Variants in APBA2 observed in about 807,000 individuals in gnomAD.
APBA2 encodes amyloid beta precursor protein binding family A member 2.
Under a neutral mutation model 75.0 loss-of-function variants are expected in APBA2, and 30 were observed. That is an observed-to-expected ratio of 0.40 (90% CI 0.30 to 0.54). APBA2 has a LOEUF of 0.54. Ranked by LOEUF, APBA2 falls within the 20% of genes least tolerant of loss-of-function variation. The probability of loss-of-function intolerance (pLI) is 0.49; values close to 1 mark genes in which losing one functional copy is unlikely to be tolerated. For synonymous variants in APBA2, 444 were observed against 409.6 expected (o/e 1.08, Z -1.01); for missense variants, 801 against 1,016.1 (o/e 0.79, Z 2.88).
intron 1 of APBA2, among the ~76,000 whole-genome samples, chr15:28,899,080 C>G (rs2032684695): frequency 6.6e-6 from 1 of 152,252 alleles, no homozygotes; most frequent in Non-Finnish European, 1.5e-5. Context: ...AGAGGGAAAC[C>G]AAAGAGCTTT....
At chr15:29,107,585 G>A (rs570797310) in intron 12 of APBA2, among the ~76,000 whole-genome samples, 2 of 152,196 alleles carry the variant, frequency 1.3e-5, no homozygotes, top group Non-Finnish European at 2.9e-5. Context: ...CTCGGAGCTG[G>A]CCCGGCAGAG....
At chr15:28,992,136 C>T (rs1450898368) in intron 2 of APBA2, among the ~76,000 whole-genome samples, 1 of 152,094 alleles carries the variant, frequency 6.6e-6, no homozygotes, top group African/African-American at 2.4e-5. Context: ...GCTGGTGTCC[C>T]CTGCTTTGGA....
At chr15:29,090,744 G>A (rs910385641) in intron 6 of APBA2, among the ~76,000 whole-genome samples, 103 of 152,306 alleles carry the variant, frequency 6.8e-4, no homozygotes, top group African/African-American at 2.3e-3. Flanking sequence ...GGGCCCCACT[G>A]GGTGACTGGG....
intron 3 of APBA2, among the ~76,000 whole-genome samples, chr15:28,998,949 C>T (rs897640654): frequency 3.3e-5 from 5 of 152,256 alleles, no homozygotes; most frequent in Middle Eastern, 3.4e-3. Context: ...GAGTTCGAGA[C>T]GAGCCTGGCC....
chr15:28,974,765 G>A (rs2037247523), intron 2 of APBA2, among the ~76,000 whole-genome samples: 1 of 151,936 alleles, frequency 6.6e-6, no homozygotes, highest in South Asian at 2.1e-4. Context: ...ATCACTCTGT[G>A]GAATACACAT....
chr15:28,917,417 C>T (rs960501597), intron 1 of APBA2, among the ~76,000 whole-genome samples: 1 of 152,294 alleles, frequency 6.6e-6, no homozygotes, highest in Non-Finnish European at 1.5e-5. Context: ...GCCCCATCTT[C>T]CCTTTACCCA....
At chr15:28,954,502 T>C (rs2036061280) in intron 2 of APBA2, among the ~76,000 whole-genome samples, 1 of 152,180 alleles carries the variant, frequency 6.6e-6, no homozygotes, top group Non-Finnish European at 1.5e-5. Context: ...CGGACTTTGG[T>C]ACTGGCCCAC....
At chr15:28,894,105 G>A (rs1300563098) in intron 1 of APBA2, 1 of 152,160 alleles carries the variant, frequency 6.6e-6, no homozygotes, top group Non-Finnish European at 1.5e-5. Flanking sequence ...GGAAACAAAG[G>A]GGTGCGGGAC....
chr15:28,916,331 C>T, intron 1 of APBA2, among the ~76,000 whole-genome samples: 1 of 152,364 alleles, frequency 6.6e-6, no homozygotes, highest in Non-Finnish European at 1.5e-5. Context: ...CCCTTCCCCA[C>T]AGGTCGTTTT....
chr15:28,971,951 A>G (rs1315059648), intron 2 of APBA2, among the ~76,000 whole-genome samples: 2 of 152,232 alleles, frequency 1.3e-5, no homozygotes, highest in Non-Finnish European at 2.9e-5. Flanking sequence ...ACAGCCAAGA[A>G]GCACAAATGA....
In APBA2 at chr15:29,055,668, A is replaced by AGTGTGTGTGTGTGTGTGTGT. The variant is rs57671107; in HGVS notation, c.951+858_951+877dup. ...TTTCCGAGAAGAGTTCATGAATTTG[A>AGTGTGTGTGTGTGTGTGTGT]GTGTGTGTGTGTGTGTGTGTGTGTG... On this transcript the variant is annotated intron_variant, in intron 4 of 14. Transcript: ENST00000683413. Among the ~76,000 whole-genome samples, 8 of 127,454 alleles carry AGTGTGTGTGTGTGTGTGTGT rather than the reference A, an allele frequency of 6.3e-5. 1 individual carries two copies. The highest frequency in any genetic ancestry group is 3.9e-4 in the Admixed American group (5 of 12,818). The allele number at this position is 127,454 out of a possible 152,430, so 83.6% of individuals were successfully genotyped here. A position where few individuals can be genotyped will look rare whatever the true frequency, so the allele number is the denominator to read the frequency against.
intron 3 of APBA2, among the ~76,000 whole-genome samples, chr15:28,998,330 A>C (rs566661962): frequency 6.6e-6 from 1 of 152,138 alleles, no homozygotes; most frequent in Non-Finnish European, 1.5e-5. Flanking sequence ...CTGAAGGAAC[A>C]CAGAAAAGAT....
chr15:29,062,520 T>G (rs2042174424), intron 4 of APBA2, among the ~76,000 whole-genome samples: 1 of 152,032 alleles, frequency 6.6e-6, no homozygotes, highest in Non-Finnish European at 1.5e-5. Flanking sequence ...CTGCCTTCTT[T>G]GATTTGTATG....
intron 1 of APBA2, among the ~76,000 whole-genome samples, chr15:28,889,063 C>A (rs1023502535): frequency 6.6e-6 from 1 of 152,030 alleles, no homozygotes; most frequent in Non-Finnish European, 1.5e-5. Flanking sequence ...GGCCCGAGTG[C>A]CCACAGGGAG....
intron 1 of APBA2, among the ~76,000 whole-genome samples, chr15:28,890,719 AGCATCTGCAATACAC>A (rs1196797697): frequency 1.3e-5 from 2 of 152,204 alleles, no homozygotes; most frequent in African/African-American, 4.8e-5. Context: ...AGTCTTTCTC[AGCATCTGCAATACAC>A]GCACGAGGCC....
intron 2 of APBA2, among the ~76,000 whole-genome samples, chr15:28,951,715 G>C (rs899412796): frequency 2.0e-5 from 3 of 152,022 alleles, no homozygotes; most frequent in Non-Finnish European, 4.4e-5. Context: ...CTCCCTAGTA[G>C]CTGGGACTAC....
chr15:29,044,633 T>C (rs377663284), intron 3 of APBA2, among the ~76,000 whole-genome samples: 8 of 152,090 alleles, frequency 5.3e-5, no homozygotes, highest in Non-Finnish European at 7.4e-5. Context: ...GACCTGGGCC[T>C]TGGATTGACA....
Position 29,087,708 on chromosome 15 carries a change from G to T in APBA2, c.1070-5367G>T, listed in dbSNP as rs190288868. Among the ~76,000 whole-genome samples the T allele has an allele frequency of 2.0e-5, 3 of 151,754 alleles. No individual in the cohort carries two copies. In the East Asian group the frequency reaches 5.8e-4, roughly 29 times the overall value. On this transcript the variant is annotated intron_variant, in intron 6 of 14. Coordinates refer to ENST00000683413, the MANE Select transcript of APBA2 (RefSeq NM_001353788.2). Reference sequence around the variant, plus strand: ...GTCTCACTTGAGACGCCAGTTACACGACTCTGATACTCACCCACTCCTGCC... The same window carrying T: ...GTCTCACTTGAGACGCCAGTTACACTACTCTGATACTCACCCACTCCTGCC...
At chr15:29,107,303 T>G (rs1214327805) in intron 12 of APBA2, among the ~76,000 whole-genome samples, 1 of 152,120 alleles carries the variant, frequency 6.6e-6, no homozygotes, top group Non-Finnish European at 1.5e-5. Flanking sequence ...GCTTGCAGCT[T>G]TGGGAGGTGC....
Sources: gnomAD v4.1 joint callset for allele counts (sites outside exome capture counted in the v4.1 genomes callset) on GRCh38, gnomAD v4.1.1 for gene constraint, MANE v1.5 for transcripts, NCBI Gene and HGNC (gene_info 2026-07-23, HGNC 2026-07-21) for gene names.